SEMA6D: variants seen among roughly 807,000 people sequenced by gnomAD.
The protein encoded by SEMA6D is semaphorin 6D.
In SEMA6D, 35 loss-of-function variants were observed where a neutral mutation model predicts 106.6. The observed-to-expected ratio is 0.33, with a 90% CI of 0.25 to 0.44. The LOEUF is 0.44. Ranked by LOEUF, SEMA6D falls within the 20% of genes least tolerant of loss-of-function variation. The pLI, the probability that SEMA6D is intolerant of heterozygous loss-of-function variation, is 1.00. For missense variants in SEMA6D, 1,185 were observed against 1,345.9 expected (o/e 0.88, Z 1.87); for synonymous variants, 499 against 487.7 (o/e 1.02, Z -0.31).
intron 1 of SEMA6D, among the ~76,000 whole-genome samples, chr15:47,211,944 C>G (rs1390972977): frequency 6.6e-6 from 1 of 151,846 alleles, no homozygotes; most frequent in Admixed American, 6.6e-5. Flanking sequence ...GTCTTTATTA[C>G]TCCCTTAAAT....
At chr15:47,204,856 A>C (rs1894952789) in intron 1 of SEMA6D, among the ~76,000 whole-genome samples, 2 of 152,114 alleles carry the variant, frequency 1.3e-5, no homozygotes, top group South Asian at 4.1e-4. Context: ...GAAAGGTTAA[A>C]CTTGTTAAAG....
chr15:47,672,315 T>C (rs2078153118), intron 4 of SEMA6D, among the ~76,000 whole-genome samples: 1 of 152,190 alleles, frequency 6.6e-6, no homozygotes, highest in African/African-American at 2.4e-5. Context: ...ATGGCTTTCC[T>C]GATCATCCCC....
At chr15:47,213,893 A>G (rs1245980228) in intron 1 of SEMA6D, among the ~76,000 whole-genome samples, 1 of 152,122 alleles carries the variant, frequency 6.6e-6, no homozygotes, top group Non-Finnish European at 1.5e-5. Flanking sequence ...TTTTATTTTA[A>G]GAAATTAAAA....
At chr15:47,212,977 C>T (rs886268140) in intron 1 of SEMA6D, among the ~76,000 whole-genome samples, 1 of 152,186 alleles carries the variant, frequency 6.6e-6, no homozygotes, top group Admixed American at 6.5e-5. Flanking sequence ...ATTCCTGTCT[C>T]ATATATTCTT....
intron 4 of SEMA6D, among the ~76,000 whole-genome samples, chr15:47,609,001 C>T (rs959017281): frequency 6.6e-6 from 1 of 152,164 alleles, no homozygotes; most frequent in Admixed American, 6.5e-5. Context: ...TTATAGAAAA[C>T]ATTATAGGTG....
intron 1 of SEMA6D, among the ~76,000 whole-genome samples, chr15:47,753,079 C>T (rs2081535209): frequency 6.6e-6 from 1 of 151,670 alleles, no homozygotes; most frequent in Non-Finnish European, 1.5e-5. Flanking sequence ...TGAGGAAGCT[C>T]CCATGTTACA....
At chr15:47,419,220 T>G (rs2041074661) in intron 2 of SEMA6D, among the ~76,000 whole-genome samples, 3 of 151,922 alleles carry the variant, frequency 2.0e-5, no homozygotes, top group Non-Finnish European at 2.9e-5. Context: ...AAAATTGAGA[T>G]TTTTGCAAGG....
At chr15:47,314,766 C>T (rs2036584929) in intron 1 of SEMA6D, among the ~76,000 whole-genome samples, 1 of 150,038 alleles carries the variant, frequency 6.7e-6, no homozygotes, top group African/African-American at 2.5e-5. Flanking sequence ...AATGAAGTGC[C>T]AATTATCAAT....
chr15:47,392,390 G>T (rs1053908603), intron 1 of SEMA6D, among the ~76,000 whole-genome samples: 6 of 152,162 alleles, frequency 3.9e-5, no homozygotes, highest in African/African-American at 1.2e-4. Flanking sequence ...GATGATCCTG[G>T]ATTACCTGGG....
At chr15:47,768,026 G>T (rs999212980) in intron 17 of SEMA6D, among the ~76,000 whole-genome samples, 2 of 152,184 alleles carry the variant, frequency 1.3e-5, no homozygotes, top group Admixed American at 1.3e-4. Context: ...GGGTGGCAGA[G>T]CCTTAGTATA....
At chr15:47,193,800 CCTGT>C (rs1368091480) in intron 1 of SEMA6D, among the ~76,000 whole-genome samples, 1 of 152,152 alleles carries the variant, frequency 6.6e-6, no homozygotes, top group African/African-American at 2.4e-5. Flanking sequence ...CCTTGAAAAG[CCTGT>C]CTGTGACTTC....
chr15:47,188,209 G>C (rs907835631), intron 1 of SEMA6D, among the ~76,000 whole-genome samples: 3 of 152,108 alleles, frequency 2.0e-5, no homozygotes, highest in African/African-American at 7.2e-5. Flanking sequence ...GAAAGATGAT[G>C]TTTGATTCAG....
Position 47,383,386 on chromosome 15 carries a change from G to A in SEMA6D, c.-238-29007G>A, listed in dbSNP as rs151003295. On this transcript the variant is annotated intron_variant, in intron 1 of 19. Coordinates refer to the SEMA6D transcript ENST00000558014. ...GTGAGACGATAGTGCCTCCCATGAC[G>A]AGGGAAGATGGGCACAAGCACTATG... 5.8e-4 allele frequency among the ~76,000 whole-genome samples: 88 copies of A among 152,268 alleles called. 1 individual carries two copies. Among genetic ancestry groups the A allele is most frequent in the East Asian group, 1.4e-3 (7 of 5,164 alleles).
chr15:47,593,025 A>G (rs905072679), intron 3 of SEMA6D, among the ~76,000 whole-genome samples: 1 of 152,186 alleles, frequency 6.6e-6, no homozygotes, highest in African/African-American at 2.4e-5. Context: ...TGAGAGCCAC[A>G]GCAGTACCTC....
rs1395416998 is a variant in SEMA6D at position 47,307,623 on chromosome 15, G to A, written c.-238-104770G>A. On this transcript the variant is annotated intron_variant, in intron 1 of 19. Transcript: ENST00000558014. ...GCCAGATTTCAGAACATAAAGTGGG[G>A]AATTCAGTGACCATCACTAGGAGCA... 2.0e-5 allele frequency among the ~76,000 whole-genome samples: 3 copies of A among 152,114 alleles called. No homozygotes were observed. In the East Asian group the frequency reaches 5.8e-4, roughly 29 times the overall value.
chr15:47,328,755 T>G (rs2037228730), intron 1 of SEMA6D, among the ~76,000 whole-genome samples: 1 of 152,192 alleles, frequency 6.6e-6, no homozygotes, highest in Non-Finnish European at 1.5e-5. Flanking sequence ...CTCACCAGCT[T>G]GCTTCTGTGA....
At chr15:47,636,256 G>A (rs565730909) in intron 4 of SEMA6D, among the ~76,000 whole-genome samples, 1 of 152,248 alleles carries the variant, frequency 6.6e-6, no homozygotes, top group East Asian at 1.9e-4. Context: ...TTAAAAGTAC[G>A]CAAATAGAAT....
chr15:47,651,218 T>C (rs758793737), intron 4 of SEMA6D, among the ~76,000 whole-genome samples: 2 of 152,086 alleles, frequency 1.3e-5, no homozygotes, highest in Non-Finnish European at 2.9e-5. Context: ...GAGACCAGCC[T>C]GAGCAACAGA....
chr15:47,267,102 G>A (rs1469132946), intron 1 of SEMA6D, among the ~76,000 whole-genome samples: 2 of 151,996 alleles, frequency 1.3e-5, no homozygotes, highest in Admixed American at 6.6e-5. Flanking sequence ...CTGGCATATC[G>A]TCACTGAATC....
Sources: gnomAD v4.1 joint callset for allele counts (sites outside exome capture counted in the v4.1 genomes callset) on GRCh38, gnomAD v4.1.1 for gene constraint, MANE v1.5 for transcripts, NCBI Gene and HGNC (gene_info 2026-07-23, HGNC 2026-07-21) for gene names.